The following ADCY8 variants were observed in gnomAD, a reference collection of about 807,000 sequenced individuals.
ADCY8 encodes the protein adenylate cyclase 8.
ADCY8 carries 51 observed loss-of-function variants against 119.7 expected under a neutral mutation model. The ratio of observed to expected loss-of-function variants is 0.43; its 90% CI spans 0.34 to 0.54. The LOEUF (loss-of-function observed/expected upper bound fraction) is 0.54. Among genes scored for constraint, ADCY8 ranks in the 20% least tolerant of loss-of-function variants. The pLI is 0.03. For missense variants in ADCY8, 1,383 were observed against 1,598.8 expected, an observed-to-expected ratio of 0.87 and a Z score of 2.30; for synonymous variants, 665 against 651.0, an observed-to-expected ratio of 1.02 and a Z score of -0.33.
chr8:131,019,839 G>GTCTCTC (rs1563770617), intron 1 of ADCY8, among the ~76,000 whole-genome samples: 7 of 75,966 alleles, frequency 9.2e-5, no homozygotes, highest in East Asian at 4.7e-4. Flanking sequence ...CTCTCTCTCT[G>GTCTCTC]TCTGTCTCTC....
intron 5 of ADCY8, among the ~76,000 whole-genome samples, chr8:130,912,102 G>C (rs1563725865): frequency 6.6e-6 from 1 of 152,154 alleles, no homozygotes; most frequent in Non-Finnish European, 1.5e-5. Context: ...CCATCTTTTA[G>C]AGTGAAGCTT....
At position 130,884,610 on chromosome 8, in the gene ADCY8, A is replaced by T. The variant is rs1410882275; in HGVS notation, c.2063T>A (p.Ile688Asn). ...TTTAAACATCAGTGAGAATGGCTTG[A>T]TATGCTCTCTTCTCAATTTATCGCC... The part of the protein sequence containing the change: ...RSGDKLRREH[I>N]KPFSLMFKDS... Residue 688 changes from isoleucine (I) to asparagine (N), a missense_variant, in exon 8 of 18, where the codon ATC becomes AAC. Physicochemically the swap from Ile to Asn is moderately radical, Grantham distance 149. Coordinates refer to ENST00000286355, the MANE Select transcript of ADCY8 (RefSeq NM_001115.3). The T allele has an allele frequency of 6.2e-7, 1 of 1,613,792 alleles. No homozygotes were observed. Among genetic ancestry groups the T allele is most frequent in the East Asian group, 2.2e-5 (1 of 44,848 alleles).
intron 5 of ADCY8, among the ~76,000 whole-genome samples, chr8:130,911,689 T>C (rs986655833): frequency 6.6e-6 from 1 of 150,904 alleles, no homozygotes; most frequent in African/African-American, 2.4e-5. Context: ...GTATTTTTAT[T>C]TTCTCATTAT....
chr8:130,879,348 A>C (rs1179359118), intron 8 of ADCY8, among the ~76,000 whole-genome samples: 5 of 152,256 alleles, frequency 3.3e-5, no homozygotes, highest in Admixed American at 1.3e-4. Flanking sequence ...TGTGTAAATC[A>C]TACCATCAAG....
At chr8:130,781,024 G>T in intron 17 of ADCY8, 147 bp from the exon 18 acceptor site, 3 of 1,061,582 alleles carry the variant, frequency 2.8e-6, no homozygotes, top group South Asian at 1.6e-5. Flanking sequence ...TCACTTATTA[G>T]ATGTATCACC....
intron 12 of ADCY8, among the ~76,000 whole-genome samples, chr8:130,822,638 T>TAGAC (rs1816553686): frequency 6.6e-6 from 1 of 152,086 alleles, no homozygotes; most frequent in Non-Finnish European, 1.5e-5. Context: ...TTTGAGGACA[T>TAGAC]AGACACATTC....
In ADCY8 at chr8:131,039,917, C is replaced by T; in HGVS notation, c.417G>A (p.Ser139=). 1 of 1,611,136 alleles carries T rather than the reference C, an allele frequency of 6.2e-7. No individual in the cohort carries two copies. The highest frequency in any genetic ancestry group is 1.3e-5 in the African/African-American group (1 of 74,980). The stretch of plus-strand genomic sequence containing the variant: ...TATAGCCCCCATTAAGAAAGAAATC[C>T]GAGTTGCTAGGGGCACAGTCAAGGT... ...FLHLDCAPSN[S]DFFLNGGYSY... Residue 139 remains serine, a synonymous_variant, in exon 1 of 18, where the codon TCG becomes TCA. Coordinates refer to ENST00000286355, the MANE Select transcript of ADCY8 (RefSeq NM_001115.3).
intron 2 of ADCY8, among the ~76,000 whole-genome samples, chr8:130,969,444 T>C (rs1270873021): frequency 6.6e-6 from 1 of 152,224 alleles, no homozygotes; most frequent in Non-Finnish European, 1.5e-5. Context: ...CTCTTGGCTC[T>C]GTTTCTCTGT....
intron 6 of ADCY8, among the ~76,000 whole-genome samples, chr8:130,906,345 G>T (rs1563723216): frequency 6.6e-6 from 1 of 152,142 alleles, no homozygotes. Context: ...AAGTACCATG[G>T]TTGATTTTCT....
chr8:130,995,555 T>G (rs1822746893), intron 1 of ADCY8, among the ~76,000 whole-genome samples: 1 of 152,194 alleles, frequency 6.6e-6, no homozygotes, highest in Non-Finnish European at 1.5e-5. Flanking sequence ...CCTCACTTAC[T>G]CATTTTGCTC....
chr8:130,964,116 C>T (rs1331260904), intron 2 of ADCY8, among the ~76,000 whole-genome samples: 1 of 152,182 alleles, frequency 6.6e-6, no homozygotes, highest in South Asian at 2.1e-4. Flanking sequence ...AGACCTGCAT[C>T]CTTCTGCCTC....
chr8:130,849,947 G>A (rs1343081089), intron 9 of ADCY8, 144 bp from the exon 10 acceptor site: 3 of 838,636 alleles, frequency 3.6e-6, no homozygotes, highest in Non-Finnish European at 5.5e-6. Context: ...TTATTAGCAG[G>A]AGAGATTTTT....
intron 1 of ADCY8, among the ~76,000 whole-genome samples, chr8:131,032,656 C>A (rs540816618): frequency 6.6e-6 from 1 of 152,142 alleles, no homozygotes; most frequent in Admixed American, 6.5e-5. Context: ...TCCTCTCCCC[C>A]ACAGGGCTGA....
chr8:131,023,167 T>G (rs1172637948), intron 1 of ADCY8, among the ~76,000 whole-genome samples: 4 of 152,176 alleles, frequency 2.6e-5, no homozygotes, highest in South Asian at 4.1e-4. Context: ...AACCATATAA[T>G]GCAGATTCAG....
intron 1 of ADCY8, among the ~76,000 whole-genome samples, chr8:131,028,696 A>G (rs921956961): frequency 1.3e-5 from 2 of 152,208 alleles, no homozygotes; most frequent in Admixed American, 6.5e-5. Flanking sequence ...GTTAGGGTAC[A>G]ATATGGTCTT....
chr8:130,973,718 C>T (rs932615824), intron 2 of ADCY8, among the ~76,000 whole-genome samples: 4 of 152,204 alleles, frequency 2.6e-5, no homozygotes, highest in Non-Finnish European at 5.9e-5. Flanking sequence ...GATTAGGCTA[C>T]ATGACTAGGA....
intron 8 of ADCY8, among the ~76,000 whole-genome samples, chr8:130,872,208 C>G (rs1031521615): frequency 1.3e-5 from 2 of 152,112 alleles, no homozygotes; most frequent in East Asian, 3.9e-4. Context: ...ATAATAAGGA[C>G]TAATATCTAG....
chr8:130,853,899 A>AT (rs901560855), intron 9 of ADCY8, among the ~76,000 whole-genome samples: 9 of 152,172 alleles, frequency 5.9e-5, no homozygotes, highest in African/African-American at 1.9e-4. Flanking sequence ...TAAAACAGGG[A>AT]TTTTTTAAGC....
chr8:130,979,548 GA>G (rs1478681541), intron 2 of ADCY8, among the ~76,000 whole-genome samples: 1 of 152,216 alleles, frequency 6.6e-6, no homozygotes, highest in African/African-American at 2.4e-5. Context: ...CCAGTGGAGA[GA>G]GGGGTAGATT....
Sources: allele counts gnomAD v4.1 joint callset (sites outside exome capture counted in the v4.1 genomes callset), GRCh38; gene constraint gnomAD v4.1.1; transcripts MANE v1.5; gene names NCBI Gene and HGNC (gene_info 2026-07-23, HGNC 2026-07-21).